SEPTIN9: variants seen among roughly 807,000 people sequenced by gnomAD.
SEPTIN9 encodes the protein septin 9, also known as septin-9.
SEPTIN9 carries 13 observed loss-of-function variants against 56.6 expected under a neutral mutation model. The observed-to-expected ratio is 0.23, with a 90% CI of 0.15 to 0.37. SEPTIN9 has a LOEUF of 0.37. SEPTIN9 is among the 10% of genes least tolerant of loss of function. SEPTIN9 has a pLI of 1.00. For missense variants in SEPTIN9, 650 were observed against 823.1 expected (o/e 0.79, Z 2.57); for synonymous variants, 332 against 334.1 (o/e 0.99, Z 0.07).
chr17:77,463,427 C>A (rs1016781329), intron 3 of SEPTIN9, among the ~76,000 whole-genome samples: 7 of 152,002 alleles, frequency 4.6e-5, no homozygotes, highest in African/African-American at 1.7e-4. Flanking sequence ...ATAAATTTGC[C>A]GGGAAGTATC....
At chr17:77,415,654 A>T (rs1388815524) in intron 3 of SEPTIN9, among the ~76,000 whole-genome samples, 1 of 151,866 alleles carries the variant, frequency 6.6e-6, no homozygotes, top group Non-Finnish European at 1.5e-5. Flanking sequence ...AGAAAAAAAA[A>T]GAAATCTCCA....
rs2031034143 is a variant in SEPTIN9 at position 77,281,746 on chromosome 17, T to C, written c.19+192T>C. On this transcript the variant is annotated intron_variant, in intron 1 of 11. Coordinates refer to ENST00000427177, the MANE Select transcript of SEPTIN9 (RefSeq NM_001113491.2). ...CTTTCGACCTGAGCCGACCGTCCCCTGCGCTGTCTCCAGCCCTTGCTCGAG... is the reference window on the plus strand; with the variant it reads ...CTTTCGACCTGAGCCGACCGTCCCCCGCGCTGTCTCCAGCCCTTGCTCGAG... 4 of 547,210 alleles carry C rather than the reference T, an allele frequency of 7.3e-6. No homozygotes were observed. In the East Asian group the frequency reaches 1.4e-4, roughly 19 times the overall value. The allele number at this position is 547,210 out of a possible 1,614,324, so 33.9% of individuals were successfully genotyped here.
At chr17:77,295,471 A>G (rs527902724) in intron 1 of SEPTIN9, among the ~76,000 whole-genome samples, 12 of 152,246 alleles carry the variant, frequency 7.9e-5, no homozygotes, top group African/African-American at 2.6e-4. Context: ...TCTGAGGCAG[A>G]GGAGGTGGAG....
At position 77,450,056 on chromosome 17, in the gene SEPTIN9, G is replaced by A. The variant is rs181472409; in HGVS notation, c.722-32088G>A. On this transcript the variant is annotated intron_variant, in intron 3 of 11. Transcript: ENST00000427177. The surrounding 1 kb of genome is among the most constrained non-coding windows in gnomAD (Gnocchi z 6.0). Reference sequence around the variant, plus strand: ...GCAGTCTTCTCCCAGACACTCCCCCGGCTCTGGCCTGGCGCCCGGAGACCA... The same window carrying A: ...GCAGTCTTCTCCCAGACACTCCCCCAGCTCTGGCCTGGCGCCCGGAGACCA... Among the ~76,000 whole-genome samples, 7 of 152,260 alleles carry A rather than the reference G, an allele frequency of 4.6e-5. No homozygotes were observed. Among genetic ancestry groups the A allele is most frequent in the South Asian group, 4.2e-4 (2 of 4,808 alleles).
chr17:77,390,620 T>G (rs1359356873), intron 2 of SEPTIN9, among the ~76,000 whole-genome samples: 1 of 151,448 alleles, frequency 6.6e-6, no homozygotes, highest in Non-Finnish European at 1.5e-5. Context: ...CCCGGCTAAT[T>G]TTTTGTGTTT....
At chr17:77,430,120 C>G (rs955498182) in intron 3 of SEPTIN9, among the ~76,000 whole-genome samples, 3 of 152,072 alleles carry the variant, frequency 2.0e-5, no homozygotes, top group African/African-American at 7.2e-5. Flanking sequence ...GTTCTGGAGA[C>G]AGGAGCTGGC....
intron 2 of SEPTIN9, among the ~76,000 whole-genome samples, chr17:77,378,536 A>G (rs1235218024): frequency 6.6e-6 from 1 of 152,164 alleles, no homozygotes; most frequent in African/African-American, 2.4e-5. Context: ...TGCAAAGGAC[A>G]GGTAGGTTTG....
intron 3 of SEPTIN9, among the ~76,000 whole-genome samples, chr17:77,411,771 T>C (rs2036312039): frequency 6.6e-6 from 1 of 152,216 alleles, no homozygotes; most frequent in Admixed American, 6.5e-5. Context: ...CTCGCACTTG[T>C]ACATGTGCAC....
chr17:77,459,040 G>A lies in SEPTIN9; in HGVS notation c.722-23104G>A, dbSNP rs139803537. Among the ~76,000 whole-genome samples the A allele has an allele frequency of 4.2e-3, 647 of 152,338 alleles. 3 individuals are homozygous for A. The highest frequency in any genetic ancestry group is 0.015 in the African/African-American group (609 of 41,574). On this transcript the variant is annotated intron_variant, in intron 3 of 11. Coordinates refer to ENST00000427177, the MANE Select transcript of SEPTIN9 (RefSeq NM_001113491.2). Reference sequence around the variant, plus strand: ...CCATGGGCCCATGCGTCCAGGAGGTGGAGGCAGTGAACGGGGCCACGGTCG... The same window carrying A: ...CCATGGGCCCATGCGTCCAGGAGGTAGAGGCAGTGAACGGGGCCACGGTCG...
chr17:77,473,530 C>T (rs551598215), intron 3 of SEPTIN9, among the ~76,000 whole-genome samples: 1 of 152,224 alleles, frequency 6.6e-6, no homozygotes, highest in East Asian at 1.9e-4. Context: ...GATCCACGGG[C>T]CTAGGGATTC....
intron 3 of SEPTIN9, among the ~76,000 whole-genome samples, chr17:77,438,036 G>C (rs749880848): frequency 1.3e-5 from 2 of 152,242 alleles, no homozygotes; most frequent in African/African-American, 4.8e-5. Flanking sequence ...TTCCAGCATC[G>C]TGTGGGCCGG....
In SEPTIN9 at chr17:77,400,121, C is replaced by T. The variant is rs1168008292; in HGVS notation, c.77-1938C>T. On this transcript the variant is annotated intron_variant, in intron 2 of 11. Coordinates refer to ENST00000427177, the MANE Select transcript of SEPTIN9 (RefSeq NM_001113491.2). This position sits in a 1 kb window ranked among gnomAD's most constrained non-coding sequence, Gnocchi z 4.1. ...CCTCCTGAGTAGCTGGGACTATAGG[C>T]GAGTGTCACCATGCCCAGCTAATTT... Among the ~76,000 whole-genome samples the T allele has an allele frequency of 6.6e-6, 1 of 152,046 alleles. No individual in the cohort carries two copies. Among genetic ancestry groups the T allele is most frequent in the East Asian group, 1.9e-4 (1 of 5,186 alleles).
chr17:77,442,506 TAA>T (rs574360726), intron 3 of SEPTIN9, among the ~76,000 whole-genome samples: 2,599 of 91,266 alleles, frequency 0.028, 88 homozygotes, highest in African/African-American at 0.097. Flanking sequence ...CAACTAGTCT[TAA>T]AAAAAAAAAA....
intron 2 of SEPTIN9, among the ~76,000 whole-genome samples, chr17:77,349,156 A>G (rs1362182388): frequency 6.6e-6 from 1 of 151,710 alleles, no homozygotes; most frequent in Non-Finnish European, 1.5e-5. Flanking sequence ...CTACAGTGCA[A>G]TGGTGTGATT....
intron 10 of SEPTIN9, among the ~76,000 whole-genome samples, chr17:77,496,890 C>T (rs2040288882): frequency 1.3e-5 from 2 of 152,228 alleles, no homozygotes; most frequent in Admixed American, 1.3e-4. Context: ...CCTGCTTCAT[C>T]CCATTCCCAG....
intron 3 of SEPTIN9, among the ~76,000 whole-genome samples, chr17:77,447,338 G>A (rs932541182): frequency 6.6e-6 from 1 of 152,154 alleles, no homozygotes; most frequent in Non-Finnish European, 1.5e-5. Context: ...CCCAAATAAT[G>A]TCTCAGCCCC....
chr17:77,410,576 G>T (rs558706974), intron 3 of SEPTIN9, among the ~76,000 whole-genome samples: 2 of 152,348 alleles, frequency 1.3e-5, no homozygotes, highest in South Asian at 4.1e-4. Flanking sequence ...CTGGGCTGCC[G>T]CCCCTGCCCT....
chr17:77,490,694 AC>A (rs1363287315), intron 7 of SEPTIN9, 47 bp from the exon 8 acceptor site: 3 of 1,420,450 alleles, frequency 2.1e-6, no homozygotes, highest in African/African-American at 2.8e-5. Flanking sequence ...GTGCCCCCCC[AC>A]TGCCCCGCTC....
At chr17:77,373,549 G>A (rs2034799172) in intron 2 of SEPTIN9, 1 of 1,546,290 alleles carries the variant, frequency 6.5e-7, no homozygotes, top group Non-Finnish European at 8.7e-7. Flanking sequence ...TTCGGACTTC[G>A]AAGGTGGGTG....
Sources: allele counts gnomAD v4.1 joint callset (sites outside exome capture counted in the v4.1 genomes callset), GRCh38; gene constraint gnomAD v4.1.1; non-coding constraint Gnocchi (gnomAD v3.1); transcripts MANE v1.5; gene names NCBI Gene and HGNC (gene_info 2026-07-23, HGNC 2026-07-21).